INTS4: variants seen among roughly 807,000 people sequenced by gnomAD.
INTS4 encodes the protein integrator complex subunit 4.
In INTS4, 70 loss-of-function variants were observed where a neutral mutation model predicts 119.5. That is an observed-to-expected ratio of 0.59 (90% confidence interval 0.48 to 0.71). The LOEUF (loss-of-function observed/expected upper bound fraction) is 0.71. Among genes scored for constraint, INTS4 ranks in the 30% least tolerant of loss-of-function variants. The pLI is 0.00. For missense variants in INTS4, 867 were observed against 1,173.2 expected (o/e 0.74, Z 3.81); for synonymous variants, 316 against 419.6 (o/e 0.75, Z 3.02).
At chr11:77,885,274 A>G (rs993223432) in intron 21 of INTS4, among the ~76,000 whole-genome samples, 1 of 151,502 alleles carries the variant, frequency 6.6e-6, no homozygotes, top group Non-Finnish European at 1.5e-5. Context: ...ATGGGGTTTC[A>G]CCATGTTGGC....
At chr11:77,907,889 T>C in intron 15 of INTS4, 79 bp from the exon 16 acceptor site, 1 of 858,138 alleles carries the variant, frequency 1.2e-6, no homozygotes, top group Non-Finnish European at 1.9e-6. Context: ...AAAAGCATTT[T>C]ATCATTTTAT....
At position 77,979,110 on chromosome 11, in the gene INTS4, G is replaced by A. The variant is rs748532794; in HGVS notation, c.365-8C>T. The A allele has an allele frequency of 6.4e-7, 1 of 1,561,482 alleles. No individual in the cohort carries two copies. The highest frequency in any genetic ancestry group is 8.8e-7 in the Non-Finnish European group (1 of 1,132,796). ...CTAGGACTTGATGAGACTCTAGAGA[G>A]GGAGATAGAAAGTTGGCTTGTAGAA... On this transcript the variant is annotated splice_polypyrimidine_tract_variant and splice_region_variant and intron_variant, in intron 3 of 22. Coordinates refer to ENST00000534064, the MANE Select transcript of INTS4 (RefSeq NM_033547.4).
At chr11:77,986,186 A>C (rs1392068505) in intron 2 of INTS4, among the ~76,000 whole-genome samples, 2 of 152,226 alleles carry the variant, frequency 1.3e-5, no homozygotes, top group East Asian at 3.8e-4. Context: ...ACAAAAGATT[A>C]TGTTTTTTAA....
rs201543647 is a variant in INTS4 at position 77,963,366 on chromosome 11, A to AAC, written c.472-2229_472-2228insGT. 1.9e-3 allele frequency: 762 copies of AAC among 391,308 alleles called. 10 individuals carry two copies. The highest frequency in any genetic ancestry group is 0.016 in the African/African-American group (710 of 43,566). The allele number at this position is 391,308 out of a possible 1,614,324, so 24.2% of individuals were successfully genotyped here. On this transcript the variant is annotated intron_variant, in intron 4 of 22. Coordinates refer to ENST00000534064, the MANE Select transcript of INTS4 (RefSeq NM_033547.4). Reference sequence around the variant, plus strand: ...AGACTCCGTCTCAAAAAAAAAAAAAAAAAAAAAACAAAAAAAACTGCTTTT... The same window carrying AAC: ...AGACTCCGTCTCAAAAAAAAAAAAAAACAAAAAAAACAAAAAAAACTGCTTTT...
At chr11:77,878,354 T>TC (rs1293174129), downstream of INTS4, among the ~76,000 whole-genome samples, 5 of 145,164 alleles carry the variant, frequency 3.4e-5, no homozygotes, top group African/African-American at 7.7e-5. Context: ...ACAGCAAGAC[T>TC]CCATCTCAAA....
intron 18 of INTS4, among the ~76,000 whole-genome samples, chr11:77,897,943 G>C (rs538342443): frequency 6.6e-6 from 1 of 152,066 alleles, no homozygotes; most frequent in South Asian, 2.1e-4. Flanking sequence ...CAAGTAACTA[G>C]GACCACAGGT....
At position 77,918,986 on chromosome 11, in the gene INTS4, G is replaced by C; in HGVS notation, c.1765-8C>G. Reference sequence around the variant, plus strand: ...CAGTTTTCTACCTGGTAACTAAGCAGAGTGGGATTACAGAGTCATTAAGTT... The same window carrying C: ...CAGTTTTCTACCTGGTAACTAAGCACAGTGGGATTACAGAGTCATTAAGTT... On this transcript the variant is annotated splice_polypyrimidine_tract_variant and splice_region_variant and intron_variant, in intron 14 of 22. Coordinates refer to ENST00000534064, the MANE Select transcript of INTS4 (RefSeq NM_033547.4). 1 of 1,613,854 alleles carries C rather than the reference G, an allele frequency of 6.2e-7. No individual in the cohort carries two copies. Among genetic ancestry groups the C allele is most frequent in the South Asian group, 1.1e-5 (1 of 91,060 alleles).
chr11:77,993,686 TA>T (rs1856788342), intron 1 of INTS4, among the ~76,000 whole-genome samples: 1 of 152,222 alleles, frequency 6.6e-6, no homozygotes. Context: ...TGAATCCATG[TA>T]ATGTTTAAGG....
At chr11:77,949,001 G>A (rs923540477) in intron 8 of INTS4, among the ~76,000 whole-genome samples, 7 of 152,040 alleles carry the variant, frequency 4.6e-5, no homozygotes, top group South Asian at 2.1e-4. Context: ...TTTTTTTAGC[G>A]ACAGTTTCGC....
At chr11:77,934,319 C>T (rs1173021523) in intron 10 of INTS4, among the ~76,000 whole-genome samples, 1 of 151,318 alleles carries the variant, frequency 6.6e-6, no homozygotes, top group African/African-American at 2.4e-5. Flanking sequence ...ATCTGCTGAC[C>T]TTCCCTCCAC....
intron 16 of INTS4, among the ~76,000 whole-genome samples, chr11:77,904,633 A>AT (rs1952886156): frequency 6.6e-6 from 1 of 152,230 alleles, no homozygotes; most frequent in Non-Finnish European, 1.5e-5. Flanking sequence ...TAAACTGTAG[A>AT]TAAAAACTAT....
chr11:77,880,714 T>A (rs1951759387), intron 22 of INTS4, among the ~76,000 whole-genome samples: 1 of 152,128 alleles, frequency 6.6e-6, no homozygotes, highest in Admixed American at 6.5e-5. Context: ...TCCCAGCACT[T>A]TGGGAGGGCA....
chr11:77,890,716 G>C (rs989511927), intron 21 of INTS4, among the ~76,000 whole-genome samples: 3 of 152,154 alleles, frequency 2.0e-5, no homozygotes, highest in Non-Finnish European at 2.9e-5. Flanking sequence ...GCATGCAATA[G>C]AGTAAACACG....
intron 21 of INTS4, among the ~76,000 whole-genome samples, chr11:77,888,536 A>G: frequency 6.6e-6 from 1 of 152,264 alleles, no homozygotes; most frequent in Non-Finnish European, 1.5e-5. Context: ...TGTCTAAAAC[A>G]GCAAAAGCAA....
chr11:77,951,824 A>G lies in INTS4; in HGVS notation c.918+4118T>C, dbSNP rs568664094. On this transcript the variant is annotated intron_variant, in intron 8 of 22. Transcript: ENST00000534064. ...ACTCAAACAAATCTACAAGAAAAAA[A>G]CAAACAGCCCCATCAAAAAGTGGGC... 7.2e-5 allele frequency among the ~76,000 whole-genome samples: 11 copies of G among 152,360 alleles called. No homozygotes were observed. The South Asian group carries it at 1.9e-3, about 26-fold the overall frequency.
intron 8 of INTS4, among the ~76,000 whole-genome samples, chr11:77,942,106 T>C (rs933027881): frequency 6.6e-6 from 1 of 152,164 alleles, no homozygotes; most frequent in Non-Finnish European, 1.5e-5. Context: ...CATTCAATTA[T>C]ATGTCTACAG....
At chr11:77,924,171 G>C (rs1313853162) in intron 12 of INTS4, among the ~76,000 whole-genome samples, 6 of 149,926 alleles carry the variant, frequency 4.0e-5, no homozygotes, top group African/African-American at 1.5e-4. Context: ...GGGGCAGGGG[G>C]ATCACCTGAG....
At chr11:77,971,659 C>CA (rs1376309525) in intron 4 of INTS4, among the ~76,000 whole-genome samples, 2 of 151,900 alleles carry the variant, frequency 1.3e-5, no homozygotes, top group Non-Finnish European at 2.9e-5. Flanking sequence ...ACAAAAAAAA[C>CA]AAAAATACAA....
intron 4 of INTS4, among the ~76,000 whole-genome samples, chr11:77,972,197 T>C (rs1490939570): frequency 1.3e-5 from 2 of 152,078 alleles, no homozygotes; most frequent in Non-Finnish European, 2.9e-5. Flanking sequence ...CTCCCAGGCT[T>C]AAGCAATCCT....
Sources: gnomAD v4.1 joint callset for allele counts (sites outside exome capture counted in the v4.1 genomes callset) on GRCh38, gnomAD v4.1.1 for gene constraint, MANE v1.5 for transcripts, NCBI Gene and HGNC (gene_info 2026-07-23, HGNC 2026-07-21) for gene names.